DNAH1: variants seen among roughly 807,000 people sequenced by gnomAD.
The protein encoded by DNAH1 is axonemal beta dynein heavy chain 1.
DNAH1 carries 327 observed loss-of-function variants against 484.3 expected under a neutral mutation model. That is an observed-to-expected ratio of 0.68 (90% CI 0.62 to 0.74). The LOEUF is 0.74. Ranked by LOEUF, DNAH1 falls within the 30% of genes least tolerant of loss-of-function variation. The pLI, the probability that DNAH1 is intolerant of heterozygous loss-of-function variation, is 0.00. For missense variants in DNAH1, 5,052 were observed against 5,546.8 expected (o/e 0.91, Z 2.83); for synonymous variants, 2,192 against 2,191.9 (o/e 1.00, Z 0.00).
At chr3:52,349,449 A>C (rs1702281859) in intron 14 of DNAH1, 29 bp downstream of exon 14, 2 of 1,596,154 alleles carry the variant, frequency 1.3e-6, no homozygotes, top group East Asian at 4.5e-5. Context: ...CGCCTCAGTG[A>C]CCACAGCAGC....
chr3:52,364,620 CCTT>C lies in DNAH1; in HGVS notation c.5245-15_5245-13del, dbSNP rs1373216295. On this transcript the variant is annotated splice_polypyrimidine_tract_variant and intron_variant, in intron 32 of 77. Transcript: ENST00000420323. This position sits in a 1 kb window ranked among gnomAD's most constrained non-coding sequence, Gnocchi z 4.2. ...AGAGGGACAGTGCTCACCCATGCCT[CCTT>C]CTGTATGGCGACAGGATCACTATGA... The C allele has an allele frequency of 6.2e-7, 1 of 1,613,820 alleles. No homozygotes were observed. Among genetic ancestry groups the C allele is most frequent in the South Asian group, 1.1e-5 (1 of 91,080 alleles).
chr3:52,375,940 C>G lies in DNAH1; in HGVS notation c.7160-15C>G, dbSNP rs532517936. 6.2e-7 allele frequency: 1 copy of G among 1,611,888 alleles called. No homozygotes were observed. Among genetic ancestry groups the G allele is most frequent in the African/African-American group, 1.3e-5 (1 of 74,882 alleles). ...ACCTAACCCTGAGCCCCGTGTTTCT[C>G]CCTCCATCCTCTAGATGGACTCCTT... On this transcript the variant is annotated splice_polypyrimidine_tract_variant and intron_variant, in intron 45 of 77. Transcript: ENST00000420323.
At chr3:52,352,817 C>G in intron 18 of DNAH1, 110 bp downstream of exon 18, 2 of 1,440,990 alleles carry the variant, frequency 1.4e-6, no homozygotes, top group African/African-American at 1.4e-5. Flanking sequence ...CAGGACCCAG[C>G]AGGCTGCAGA....
At chr3:52,344,457 C>T in intron 8 of DNAH1, 33 bp from the exon 9 acceptor site, 8 of 1,604,840 alleles carry the variant, frequency 5.0e-6, no homozygotes, top group Non-Finnish European at 6.8e-6. Context: ...GTGTGGAGCC[C>T]CTGATTCCCC....
At chr3:52,344,774 C>T (rs1702079419) in intron 9 of DNAH1, 127 bp downstream of exon 9, 5 of 1,048,458 alleles carry the variant, frequency 4.8e-6, no homozygotes, top group Non-Finnish European at 5.5e-6. Flanking sequence ...CCCTGCACCT[C>T]CCCTGTCTCC....
Position 52,373,042 on chromosome 3 carries a change from G to T in DNAH1, c.6974G>T (p.Arg2325Leu), listed in dbSNP as rs777773562. The change falls in exon 44 of 78, where the codon CGC becomes CTC. Residue 2325 changes from arginine (R) to leucine (L), a missense_variant. Physicochemically the swap from Arg to Leu is moderately radical, Grantham distance 102. Around this residue, in one of 4 missense-constraint regions of DNAH1, gnomAD observed 2,929 missense variants for 3,409.4 expected, o/e 0.86. Coordinates refer to ENST00000420323, the MANE Select transcript of DNAH1 (RefSeq NM_015512.5). The part of the protein sequence containing the change: ...QWMDHGGWYD[R>L]KIIGAFKNLV... ...ATGGACCACGGCGGCTGGTACGACC[G>T]CAAGATCATTGGTGAGTGTGGCCGG... is the stretch of plus-strand genomic sequence containing the variant. The T allele has an allele frequency of 4.7e-5, 75 of 1,611,190 alleles. No individual in the cohort carries two copies. The highest frequency in any genetic ancestry group is 5.9e-5 in the Non-Finnish European group (69 of 1,179,112).
At chr3:52,383,003 G>A (rs1703924000) in intron 50 of DNAH1, among the ~76,000 whole-genome samples, 1 of 152,236 alleles carries the variant, frequency 6.6e-6, no homozygotes. Context: ...GCCACTGTGA[G>A]TCAGGAAAGG....
chr3:52,377,179 C>T (rs1703640573), intron 46 of DNAH1, among the ~76,000 whole-genome samples: 1 of 152,136 alleles, frequency 6.6e-6, no homozygotes, highest in Non-Finnish European at 1.5e-5. Context: ...TCAGGCCAAA[C>T]CTGTCCAGAG....
At chr3:52,339,209 G>GT (rs1002371493) in intron 8 of DNAH1, among the ~76,000 whole-genome samples, 1 of 151,656 alleles carries the variant, frequency 6.6e-6, no homozygotes, top group East Asian at 1.9e-4. Context: ...ACCCTTTTTA[G>GT]TTTTTTCTAA....
At chr3:52,392,808 C>A in intron 64 of DNAH1, 22 bp from the exon 65 acceptor site, 7 of 584,434 alleles carry the variant, frequency 1.2e-5, no homozygotes, top group Non-Finnish European at 1.9e-5. Context: ...TTGACCCCTC[C>A]CCCCACCCAC....
At position 52,379,656 on chromosome 3, in the gene DNAH1, C is replaced by G. The variant is rs910467281; in HGVS notation, c.7378-249C>G. ...AGCAGAGCCAGACACCCAGAGGGCA[C>G]TTGGCCAGCTGGACTCGGAGCTGAG... On this transcript the variant is annotated intron_variant, in intron 47 of 77. Coordinates refer to ENST00000420323, the MANE Select transcript of DNAH1 (RefSeq NM_015512.5). This position sits in a 1 kb window ranked among gnomAD's most constrained non-coding sequence, Gnocchi z 4.4. 1.3e-5 allele frequency among the ~76,000 whole-genome samples: 2 copies of G among 152,156 alleles called. No homozygotes were observed. The highest frequency in any genetic ancestry group is 1.5e-5 in the Non-Finnish European group (1 of 68,036).
chr3:52,361,169 A>G lies in DNAH1; in HGVS notation c.4691A>G (p.Tyr1564Cys), dbSNP rs1702840804. The G allele has an allele frequency of 1.2e-6, 2 of 1,605,682 alleles. No homozygotes were observed. Among genetic ancestry groups the G allele is most frequent in the African/African-American group, 1.3e-5 (1 of 74,836 alleles). The change falls in exon 29 of 78, where the codon TAC becomes TGC. Residue 1564 changes from tyrosine (Y) to cysteine (C), a missense_variant. Physicochemically the swap from Tyr to Cys is radical, Grantham distance 194 (BLOSUM62 -2). Transcript: ENST00000420323. This position sits in a 1 kb window ranked among gnomAD's most constrained non-coding sequence, Gnocchi z 5.6. ...ACCTCCTCTGTCTCCTGCAGGTGCT[A>G]CCTGACACTGACCGGAGCTCTGCAC... Reference protein sequence around the residue: ...LVITPLTDRCYLTLTGALHLK... With the variant: ...LVITPLTDRCCLTLTGALHLK...
In DNAH1 at chr3:52,370,208, C is replaced by T; in HGVS notation, c.6237C>T (p.Phe2079=). 6.2e-7 allele frequency: 1 copy of T among 1,613,974 alleles called. No homozygotes were observed. Reference sequence around the variant, plus strand: ...TCCTCAAGCTGCTGGACTGCTTCTTCAAGCCCTTTCTGCCTAGAGAGGTAC... The same window carrying T: ...TCCTCAAGCTGCTGGACTGCTTCTTTAAGCCCTTTCTGCCTAGAGAGGTAC... ...MSLLKLLDCF[F]KPFLPREGLK... is the part of the protein sequence containing the mutation. Residue 2079 remains phenylalanine (F), a synonymous_variant, in exon 39 of 78, where the codon TTC becomes TTT. Coordinates refer to ENST00000420323, the MANE Select transcript of DNAH1 (RefSeq NM_015512.5).
At chr3:52,365,089 C>T in intron 34 of DNAH1, 70 bp downstream of exon 34, 5 of 1,547,936 alleles carry the variant, frequency 3.2e-6, no homozygotes, top group Non-Finnish European at 4.4e-6. Context: ...GTCAGGGGGA[C>T]AGAGACAGGA....
intron 6 of DNAH1, 40 bp from the exon 7 acceptor site, chr3:52,331,108 A>G (rs1188259972): frequency 1.9e-6 from 3 of 1,552,556 alleles, no homozygotes; most frequent in Admixed American, 2.0e-5. Context: ...TCCTGCCCCC[A>G]TGGCGGGGGG....
At chr3:52,349,534 G>A (rs1278691012) in intron 14 of DNAH1, 114 bp downstream of exon 14, 2 of 1,015,130 alleles carry the variant, frequency 2.0e-6, no homozygotes, top group Admixed American at 4.3e-5. Context: ...GGTGTCTGTG[G>A]ATGCCCAGGC....
At chr3:52,350,990 C>T (rs1213533701) in intron 16 of DNAH1, among the ~76,000 whole-genome samples, 1 of 152,226 alleles carries the variant, frequency 6.6e-6, no homozygotes. Flanking sequence ...GCTGGGATTA[C>T]AGGTGCCCAC....
intron 16 of DNAH1, among the ~76,000 whole-genome samples, chr3:52,351,052 G>A (rs2153223980): frequency 6.6e-6 from 1 of 152,338 alleles, no homozygotes; most frequent in South Asian, 2.1e-4. Context: ...GTTTCACCAT[G>A]TTGGCTAGGC....
chr3:52,317,762 G>A (rs1386531685), intron 1 of DNAH1: 2 of 152,238 alleles, frequency 1.3e-5, no homozygotes, highest in Admixed American at 6.5e-5. Context: ...GGAGTTGGTG[G>A]GTAGGTAAGG....
Sources: allele counts gnomAD v4.1 joint callset (sites outside exome capture counted in the v4.1 genomes callset), GRCh38; gene constraint gnomAD v4.1.1; regional missense constraint gnomAD v4.1.1; non-coding constraint Gnocchi (gnomAD v3.1); transcripts MANE v1.5; gene names NCBI Gene and HGNC (gene_info 2026-07-23, HGNC 2026-07-21).